TACC3: variants seen among roughly 807,000 people sequenced by gnomAD.
TACC3 encodes the protein transforming acidic coiled-coil-containing protein 3.
In TACC3, 52 loss-of-function variants were observed where a neutral mutation model predicts 86.0. The ratio of observed to expected loss-of-function variants is 0.60; its 90% CI spans 0.48 to 0.76. TACC3 has a LOEUF of 0.76. TACC3 is among the 30% of genes least tolerant of loss of function. The pLI is 0.00. For synonymous variants in TACC3, 512 were observed against 430.0 expected, an observed-to-expected ratio of 1.19 and a Z score of -2.36; for missense variants, 1,120 against 1,070.4, an observed-to-expected ratio of 1.05 and a Z score of -0.65.
At chr4:1,741,083 C>T in intron 13 of TACC3, 97 bp downstream of exon 13, 2 of 1,284,626 alleles carry the variant, frequency 1.6e-6, no homozygotes, top group Non-Finnish European at 2.1e-6. Flanking sequence ...CACCTTGGTC[C>T]TTGGCCAAGC....
At chr4:1,725,055 C>A (rs955053466) in intron 3 of TACC3, among the ~76,000 whole-genome samples, 1 of 151,870 alleles carries the variant, frequency 6.6e-6, no homozygotes, top group African/African-American at 2.4e-5. Context: ...CCTCAGCCTC[C>A]GAGTAGCTGG....
intron 6 of TACC3, among the ~76,000 whole-genome samples, chr4:1,733,608 T>C (rs1718108799): frequency 6.6e-6 from 1 of 152,024 alleles, no homozygotes; most frequent in Admixed American, 6.6e-5. Context: ...CAGTGAGCCA[T>C]GATTGCACTA....
Position 1,735,816 on chromosome 4 carries a change from T to G in TACC3, c.1730T>G (p.Val577Gly), listed in dbSNP as rs750157231. The change falls in exon 8 of 16, where the codon GTG (valine) becomes GGG (glycine). Residue 577 changes from valine to glycine, a missense_variant. Physicochemically the swap from Val to Gly is moderately radical, Grantham distance 109 (BLOSUM62 -3). Transcript: ENST00000313288. This position sits in a 1 kb window ranked among gnomAD's most constrained non-coding sequence, Gnocchi z 4.2. ...LRDSPGRPVPVATETSSMHGA... is the reference protein window; with the variant it reads ...LRDSPGRPVPGATETSSMHGA... The stretch of plus-strand genomic sequence containing the variant: ...GACAGTCCTGGTAGACCAGTGCCCG[T>G]GGCCACCGAGACCAGCAGGTATGTG... 56 of 1,592,350 alleles carry G rather than the reference T, an allele frequency of 3.5e-5. No individual in the cohort carries two copies. The highest frequency in any genetic ancestry group is 4.8e-5 in the Non-Finnish European group (56 of 1,165,238).
At chr4:1,743,272 A>G (rs1718681885) in intron 13 of TACC3, among the ~76,000 whole-genome samples, 2 of 141,384 alleles carry the variant, frequency 1.4e-5, no homozygotes, top group South Asian at 4.5e-4. Context: ...AAAAAAAAAA[A>G]GCCTGGGCAC....
At position 1,735,810 on chromosome 4, in the gene TACC3, T is replaced by G; in HGVS notation, c.1724T>G (p.Val575Gly). 6.3e-7 allele frequency: 1 copy of G among 1,594,642 alleles called. No homozygotes were observed. Among genetic ancestry groups the G allele is most frequent in the Non-Finnish European group, 8.6e-7 (1 of 1,166,622 alleles). Residue 575 changes from valine (V) to glycine (G), a missense_variant, in exon 8 of 16, where the codon GTG (valine) becomes GGG (glycine). Val to Gly is a moderately radical substitution (Grantham distance 109). Transcript: ENST00000313288. This position sits in a 1 kb window ranked among gnomAD's most constrained non-coding sequence, Gnocchi z 4.2. ...CTGAGGGACAGTCCTGGTAGACCAG[T>G]GCCCGTGGCCACCGAGACCAGCAGG... ...PLLRDSPGRP[V>G]PVATETSSMH...
At chr4:1,731,938 A>G (rs902071237) in intron 6 of TACC3, among the ~76,000 whole-genome samples, 11 of 152,214 alleles carry the variant, frequency 7.2e-5, no homozygotes, top group Admixed American at 6.5e-4. Context: ...CCGGCCCAGA[A>G]CCCCTTGATA....
chr4:1,741,939 C>G, intron 13 of TACC3: 1 of 152,294 alleles, frequency 6.6e-6, no homozygotes, highest in Non-Finnish European at 1.5e-5. Context: ...AAATCAGACC[C>G]GTTATTAGAG....
At position 1,731,067 on chromosome 4, in the gene TACC3, C is replaced by T. The variant is rs1450086173; in HGVS notation, c.1461+105C>T. The T allele has an allele frequency of 4.3e-5, 69 of 1,594,016 alleles. 2 individuals carry two copies. Among genetic ancestry groups the T allele is most frequent in the South Asian group, 3.8e-4 (34 of 90,376 alleles). The stretch of plus-strand genomic sequence containing the variant: ...CCTTGGGTGACGGGGTGGGATGTCC[C>T]GCTCCCTCTCCCCCAAGTCTACTTC... On this transcript the variant is annotated intron_variant, in intron 5 of 15. Transcript: ENST00000313288.
At position 1,744,940 on chromosome 4, in the gene TACC3, T is replaced by G; in HGVS notation, c.2452-8T>G. Reference sequence around the variant, plus strand: ...GGAGAAGCCCCGCAACTCATCTTCCTCCTCCAGACTAAAGAGAACGAGGAG... The same window carrying G: ...GGAGAAGCCCCGCAACTCATCTTCCGCCTCCAGACTAAAGAGAACGAGGAG... On this transcript the variant is annotated splice_region_variant and splice_polypyrimidine_tract_variant and intron_variant, in intron 15 of 15. Coordinates refer to ENST00000313288, the MANE Select transcript of TACC3 (RefSeq NM_006342.3). 6.2e-7 allele frequency: 1 copy of G among 1,611,848 alleles called. No individual in the cohort carries two copies. Among genetic ancestry groups the G allele is most frequent in the South Asian group, 1.1e-5 (1 of 90,750 alleles).
chr4:1,738,185 C>G (rs1312116103), intron 10 of TACC3: 2 of 304,808 alleles, frequency 6.6e-6, no homozygotes, highest in Non-Finnish European at 1.3e-5. Context: ...CCTAAATTGT[C>G]CCTAAGAGAG....
chr4:1,736,824 C>T (rs560681642), intron 8 of TACC3, among the ~76,000 whole-genome samples: 127 of 151,740 alleles, frequency 8.4e-4, no homozygotes, highest in African/African-American at 2.9e-3. Context: ...GCAGGAGAAT[C>T]GGGTGAGCCT....
Position 1,735,715 on chromosome 4 carries a change from G to T in TACC3, c.1645-16G>T. ...GGATGGCAGTCAGACCTGATCACTT[G>T]CCCTCTTGTCCCCAGTTTAAGGAGT... On this transcript the variant is annotated splice_polypyrimidine_tract_variant and intron_variant, in intron 7 of 15. Transcript: ENST00000313288. This position sits in a 1 kb window ranked among gnomAD's most constrained non-coding sequence, Gnocchi z 4.2. 2 of 1,600,048 alleles carry T rather than the reference G, an allele frequency of 1.2e-6. No individual in the cohort carries two copies. The highest frequency in any genetic ancestry group is 1.1e-5 in the South Asian group (1 of 90,716).
In TACC3 at chr4:1,735,152, A is replaced by T; in HGVS notation, c.1592-121A>T. The T allele has an allele frequency of 7.3e-7, 1 of 1,369,306 alleles. No individual in the cohort carries two copies. The highest frequency in any genetic ancestry group is 1.0e-6 in the Non-Finnish European group (1 of 978,890). 84.8% of individuals were successfully genotyped at this position (1,369,306 alleles called of 1,614,324 possible). A position where few individuals can be genotyped will look rare whatever the true frequency, so the allele number is the denominator to read the frequency against. On this transcript the variant is annotated intron_variant, in intron 6 of 15. Transcript: ENST00000313288. The surrounding 1 kb of genome is among the most constrained non-coding windows in gnomAD (Gnocchi z 4.2). ...CAGGCCCCGAACATCCACACCTCCA[A>T]GGGAGGAAATACTGCTGGCTGGAAT...
intron 6 of TACC3, among the ~76,000 whole-genome samples, chr4:1,733,809 C>G (rs186783122): frequency 2.4e-4 from 36 of 152,226 alleles, no homozygotes; most frequent in African/African-American, 8.7e-4. Context: ...GAAACCTCAT[C>G]TCTACTAAAA....
chr4:1,727,881 G>A lies in TACC3; in HGVS notation c.479G>A (p.Ser160Asn). 1 of 1,613,860 alleles carries A rather than the reference G, an allele frequency of 6.2e-7. No homozygotes were observed. The highest frequency in any genetic ancestry group is 8.5e-7 in the Non-Finnish European group (1 of 1,180,036). Residue 160 changes from serine to asparagine, a missense_variant, in exon 4 of 16, where the codon AGC becomes AAC. By Grantham distance (46) the Ser-to-Asn change is conservative. Coordinates refer to ENST00000313288, the MANE Select transcript of TACC3 (RefSeq NM_006342.3). The part of the protein sequence containing the change: ...ADLDCSSSSQ[S>N]PGSSENQMVS... ...CTGGACTGCTCAAGCTCTTCCCAGA[G>A]CCCAGGAAGTTCTGAGAACCAAATG...
At chr4:1,736,631 G>A (rs555148883) in intron 8 of TACC3, among the ~76,000 whole-genome samples, 16 of 151,688 alleles carry the variant, frequency 1.1e-4, no homozygotes, top group Admixed American at 5.3e-4. Flanking sequence ...ACACATGGCC[G>A]GGCGCAGTGG....
intron 6 of TACC3, among the ~76,000 whole-genome samples, chr4:1,731,759 C>G (rs1196492814): frequency 1.3e-5 from 2 of 152,124 alleles, no homozygotes; most frequent in East Asian, 3.9e-4. Flanking sequence ...CTCAGCCTCC[C>G]AAGTAGCTGG....
rs117637614 is a variant in TACC3 at position 1,735,718 on chromosome 4, C to G, written c.1645-13C>G. 6.2e-7 allele frequency: 1 copy of G among 1,606,746 alleles called. No homozygotes were observed. The highest frequency in any genetic ancestry group is 8.5e-7 in the Non-Finnish European group (1 of 1,174,208). ...TGGCAGTCAGACCTGATCACTTGCC[C>G]TCTTGTCCCCAGTTTAAGGAGTCGG... On this transcript the variant is annotated splice_polypyrimidine_tract_variant and intron_variant, in intron 7 of 15. Transcript: ENST00000313288. This position sits in a 1 kb window ranked among gnomAD's most constrained non-coding sequence, Gnocchi z 4.2.
At chr4:1,724,031 C>T (rs1390679941) in intron 3 of TACC3, among the ~76,000 whole-genome samples, 161 bp downstream of exon 3, 4 of 152,016 alleles carry the variant, frequency 2.6e-5, no homozygotes, top group African/African-American at 7.2e-5. Context: ...TGCAGTGGCG[C>T]GATGTCCGCT....
Sources: allele counts gnomAD v4.1 joint callset (sites outside exome capture counted in the v4.1 genomes callset), GRCh38; gene constraint gnomAD v4.1.1; non-coding constraint Gnocchi (gnomAD v3.1); transcripts MANE v1.5; gene names NCBI Gene and HGNC (gene_info 2026-07-23, HGNC 2026-07-21).